Variants in EFCAB8 observed in about 807,000 individuals in gnomAD.
The protein encoded by EFCAB8 is EF-hand calcium binding domain 8.
EFCAB8 carries 100 observed loss-of-function variants against 116.3 expected under a neutral mutation model. The ratio of observed to expected loss-of-function variants is 0.86; its 90% CI spans 0.73 to 1.02. The LOEUF (loss-of-function observed/expected upper bound fraction) is 1.02. Ranked by LOEUF, EFCAB8 falls within the 50% of genes least tolerant of loss-of-function variation. The pLI is 0.00. For missense variants in EFCAB8, 1,320 were observed against 1,416.9 expected (o/e 0.93, Z 1.10); for synonymous variants, 558 against 567.9 (o/e 0.98, Z 0.25).
intron 18 of EFCAB8, among the ~76,000 whole-genome samples, chr20:32,917,969 C>G (rs145345123): frequency 6.6e-6 from 1 of 152,340 alleles, no homozygotes; most frequent in East Asian, 1.9e-4. Context: ...TCCAAATGTA[C>G]TGGAGAGAGA....
rs762700415 is a variant in EFCAB8, at chr20:32,937,852, C to T, written c.2791-5784C>T. ...TAGGCTGGTCTCGAACTCCCAACCT[C>T]GTGATCCGCCCACCATGGCCTCCCA... On this transcript the variant is annotated intron_variant, in intron 22 of 26. Transcript: ENST00000400522. Among the ~76,000 whole-genome samples the T allele has an allele frequency of 1.7e-4, 26 of 149,592 alleles. 2 individuals are homozygous for T. Among genetic ancestry groups the T allele is most frequent in the South Asian group, 4.2e-4 (2 of 4,746 alleles).
intron 14 of EFCAB8, 62 bp from the exon 15 acceptor site, chr20:32,909,759 C>T: frequency 2.3e-6 from 2 of 859,880 alleles, no homozygotes; most frequent in East Asian, 3.4e-5. Context: ...TTCCCGGCAG[C>T]CCATCACTGT....
chr20:32,868,710 T>C (rs1984544977), intron 3 of EFCAB8, among the ~76,000 whole-genome samples: 2 of 152,062 alleles, frequency 1.3e-5, no homozygotes, highest in South Asian at 4.1e-4. Flanking sequence ...CTGGGACCGG[T>C]GTGGTGGCTC....
Position 32,898,531 on chromosome 20 carries a change from C to A in EFCAB8, c.996C>A (p.Ile332=). 2 of 718,588 alleles carry A rather than the reference C, an allele frequency of 2.8e-6. No homozygotes were observed. Among genetic ancestry groups the A allele is most frequent in the South Asian group, 3.0e-5 (2 of 67,576 alleles). 44.5% of individuals were successfully genotyped at this position (718,588 alleles called of 1,614,324 possible). ...ACTGGTGTGAGCAGGTCAAGTTCATCCCCCAGATGAATGTGGTAGTCTCCT... is the reference window on the plus strand; with the variant it reads ...ACTGGTGTGAGCAGGTCAAGTTCATACCCCAGATGAATGTGGTAGTCTCCT... ...HPNWCEQVKF[I]PQMNVVVSCS... is the part of the protein sequence containing the mutation. The change falls in exon 11 of 27, where the codon ATC becomes ATA. Residue 332 remains isoleucine, a synonymous_variant. Transcript: ENST00000400522.
At chr20:32,891,006 C>A (rs1420016764) in intron 7 of EFCAB8, among the ~76,000 whole-genome samples, 1 of 152,248 alleles carries the variant, frequency 6.6e-6, no homozygotes, top group African/African-American at 2.4e-5. Context: ...CTGTGACCCG[C>A]CTGGGCTTTC....
intron 19 of EFCAB8, 41 bp downstream of exon 19, chr20:32,918,615 T>G: frequency 1.4e-5 from 22 of 1,537,192 alleles, no homozygotes; most frequent in Non-Finnish European, 1.8e-5. Flanking sequence ...CCTCACTCTC[T>G]AGCCGCCGGC....
intron 13 of EFCAB8, among the ~76,000 whole-genome samples, chr20:32,907,447 C>T (rs1253721955): frequency 6.6e-6 from 1 of 152,208 alleles, no homozygotes; most frequent in African/African-American, 2.4e-5. Flanking sequence ...TTGGCCTTTC[C>T]CACATGCCAG....
intron 9 of EFCAB8, 34 bp from the exon 10 acceptor site, chr20:32,896,420 T>G (rs1481857788): frequency 1.4e-6 from 1 of 716,366 alleles, no homozygotes; most frequent in South Asian, 1.5e-5. Context: ...GGGGGAAAGC[T>G]GCTGATGTGG....
In EFCAB8 at chr20:32,875,502, G is replaced by GTTTTTTTTTTTTTTTTT. The variant is rs57620114; in HGVS notation, c.209-422_209-406dup. ...CTGAGCACACCTGGTAAACATGGTGGTTTTTTTTTTTTTTTTTTGAGACAG... is the reference window on the plus strand; with the variant it reads ...CTGAGCACACCTGGTAAACATGGTGGTTTTTTTTTTTTTTTTTTTTTTTTTTTTTTTTTTTGAGACAG... On this transcript the variant is annotated intron_variant, in intron 3 of 26. Coordinates refer to ENST00000400522, the MANE Select transcript of EFCAB8 (RefSeq NM_001143967.2). Among the ~76,000 whole-genome samples the GTTTTTTTTTTTTTTTTT allele has an allele frequency of 3.2e-3, 285 of 89,856 alleles. 24 individuals carry two copies. Among genetic ancestry groups the GTTTTTTTTTTTTTTTTT allele is most frequent in the African/African-American group, 7.4e-3 (219 of 29,676 alleles). 58.9% of individuals were successfully genotyped at this position (89,856 alleles called of 152,430 possible).
chr20:32,889,155 C>T lies in EFCAB8; in HGVS notation c.568-146C>T, dbSNP rs1300690927. 4.7e-6 allele frequency: 3 copies of T among 635,640 alleles called. No individual in the cohort carries two copies. In the African/African-American group the frequency reaches 5.5e-5, roughly 12 times the overall value. 39.4% of individuals were successfully genotyped at this position (635,640 alleles called of 1,614,324 possible). On this transcript the variant is annotated intron_variant, in intron 6 of 26. Transcript: ENST00000400522. ...GGAGGCTAGGGAGTTTATCCAAGGCCCCTATCACTAGACTTAGTGGTAGTG... is the reference window on the plus strand; with the variant it reads ...GGAGGCTAGGGAGTTTATCCAAGGCTCCTATCACTAGACTTAGTGGTAGTG...
intron 19 of EFCAB8, among the ~76,000 whole-genome samples, chr20:32,919,867 C>G (rs964867864): frequency 6.6e-6 from 1 of 152,136 alleles, no homozygotes; most frequent in Non-Finnish European, 1.5e-5. Context: ...GAGGCAAACT[C>G]AAGTCTCTGC....
chr20:32,909,888 G>T lies in EFCAB8; in HGVS notation c.1514G>T (p.Cys505Phe), dbSNP rs1986838232. The change falls in exon 15 of 27, where the codon TGC (cysteine) becomes TTC (phenylalanine). Residue 505 changes from cysteine to phenylalanine, a missense_variant. Physicochemically the swap from Cys to Phe is radical, Grantham distance 205. Transcript: ENST00000400522. ...LIKARKRTTH[C>F]SPLCAVLYSK... Reference sequence around the variant, plus strand: ...AAAGCAAGGAAGAGGACCACTCATTGCTCACCCCTGTGTGCTGTCCTCTAC... The same window carrying T: ...AAAGCAAGGAAGAGGACCACTCATTTCTCACCCCTGTGTGCTGTCCTCTAC... 1 of 1,249,790 alleles carries T rather than the reference G, an allele frequency of 8.0e-7. No individual in the cohort carries two copies. The highest frequency in any genetic ancestry group is 1.6e-5 in the African/African-American group (1 of 64,470). The allele number at this position is 1,249,790 out of a possible 1,614,324, so 77.4% of individuals were successfully genotyped here.
At chr20:32,926,731 A>G (rs1280703906) in intron 20 of EFCAB8, among the ~76,000 whole-genome samples, 22 of 139,114 alleles carry the variant, frequency 1.6e-4, no homozygotes, top group African/African-American at 5.5e-4. Flanking sequence ...TCATTGTTCA[A>G]TTCCCACCTA....
intron 22 of EFCAB8, among the ~76,000 whole-genome samples, chr20:32,939,175 CTT>C (rs1255466120): frequency 1.1e-5 from 1 of 87,902 alleles, no homozygotes; most frequent in Admixed American, 1.1e-4. Context: ...TTCTTTCTTT[CTT>C]TCTTTCTTTC....
At chr20:32,949,447 G>A (rs1988732413) in intron 23 of EFCAB8, among the ~76,000 whole-genome samples, 1 of 152,194 alleles carries the variant, frequency 6.6e-6, no homozygotes, top group African/African-American at 2.4e-5. Flanking sequence ...AGTCAAAATA[G>A]CTTTGGCAAA....
intron 23 of EFCAB8, among the ~76,000 whole-genome samples, chr20:32,945,551 G>A (rs56222573): frequency 0.042 from 6,442 of 152,076 alleles, 171 homozygotes; most frequent in Non-Finnish European, 0.067. Context: ...TTTTTATTAC[G>A]GTTACTTAGA....
chr20:32,956,907 C>T (rs1182720259), intron 23 of EFCAB8, among the ~76,000 whole-genome samples: 2 of 149,450 alleles, frequency 1.3e-5, no homozygotes, highest in Non-Finnish European at 3.0e-5. Flanking sequence ...GTATACTAGA[C>T]TATTTGACTT....
intron 1 of EFCAB8, among the ~76,000 whole-genome samples, chr20:32,861,611 G>C (rs1393637391): frequency 6.6e-6 from 1 of 152,168 alleles, no homozygotes; most frequent in African/African-American, 2.4e-5. Flanking sequence ...GTTAAAGATT[G>C]CCATGAGCCT....
chr20:32,880,197 G>A (rs1213542235), intron 5 of EFCAB8, among the ~76,000 whole-genome samples: 2 of 152,142 alleles, frequency 1.3e-5, no homozygotes, highest in East Asian at 3.9e-4. Flanking sequence ...CAAAGAGCTG[G>A]AAGGCAGCCC....
Sources: gnomAD v4.1 joint callset for allele counts (sites outside exome capture counted in the v4.1 genomes callset) on GRCh38, gnomAD v4.1.1 for gene constraint, MANE v1.5 for transcripts, NCBI Gene and HGNC (gene_info 2026-07-23, HGNC 2026-07-21) for gene names.